Variants in MLLT3 observed in about 807,000 individuals in gnomAD.
The protein encoded by MLLT3 is protein AF-9.
Under a neutral mutation model 53.2 loss-of-function variants are expected in MLLT3, and 4 were observed. The observed-to-expected ratio is 0.08, with a 90% CI of 0.04 to 0.17. MLLT3 has a LOEUF of 0.17. Ranked by LOEUF, MLLT3 falls within the 10% of genes least tolerant of loss-of-function variation. The pLI, the probability that MLLT3 is intolerant of heterozygous loss-of-function variation, is 1.00. For missense variants in MLLT3, 569 were observed against 684.0 expected (o/e 0.83, Z 1.87); for synonymous variants, 283 against 230.6 (o/e 1.23, Z -2.06).
intron 2 of MLLT3, among the ~76,000 whole-genome samples, chr9:20,496,627 A>C (rs1825086039): frequency 6.6e-6 from 1 of 152,216 alleles, no homozygotes; most frequent in Admixed American, 6.5e-5. Flanking sequence ...GTGCTGTGTT[A>C]GCCTGGTTAA....
intron 10 of MLLT3, among the ~76,000 whole-genome samples, chr9:20,349,113 G>A (rs1820947639): frequency 6.6e-6 from 1 of 152,168 alleles, no homozygotes; most frequent in African/African-American, 2.4e-5. Context: ...GAGCTGCCCA[G>A]TAGGTAATTG....
Position 20,575,521 on chromosome 9 carries a change from T to C in MLLT3, c.193+45133A>G, listed in dbSNP as rs369631312. On this transcript the variant is annotated intron_variant, in intron 2 of 10. Coordinates refer to ENST00000380338, the MANE Select transcript of MLLT3 (RefSeq NM_004529.4). ...TAATGAATTTCTTAAATAACAAAAC[T>C]TGAATGTCAAAATTACTCCCTGACC... Among the ~76,000 whole-genome samples the C allele has an allele frequency of 2.2e-4, 34 of 152,280 alleles. No individual in the cohort carries two copies. The East Asian group carries it at 6.4e-3, about 28-fold the overall frequency.
chr9:20,374,859 C>T (rs1428859481), intron 5 of MLLT3, among the ~76,000 whole-genome samples: 1 of 152,158 alleles, frequency 6.6e-6, no homozygotes, highest in African/African-American at 2.4e-5. Context: ...GAAGCCTTAA[C>T]CCCCAGTGTC....
chr9:20,558,140 G>T (rs758919443), intron 2 of MLLT3, among the ~76,000 whole-genome samples: 1 of 152,138 alleles, frequency 6.6e-6, no homozygotes, highest in Non-Finnish European at 1.5e-5. Context: ...GAGAACATGG[G>T]CTGGCAGGTG....
intron 4 of MLLT3, among the ~76,000 whole-genome samples, chr9:20,422,297 C>A (rs1198678451): frequency 6.6e-6 from 1 of 152,162 alleles, no homozygotes; most frequent in Non-Finnish European, 1.5e-5. Flanking sequence ...AATAATCTCC[C>A]ATTTTTTAAG....
chr9:20,514,399 G>A (rs1462370122), intron 2 of MLLT3, among the ~76,000 whole-genome samples: 3 of 152,236 alleles, frequency 2.0e-5, no homozygotes, highest in East Asian at 1.9e-4. Context: ...CTGCCCACTC[G>A]AGCTGATGCA....
At chr9:20,371,027 G>T (rs1821584868) in intron 5 of MLLT3, among the ~76,000 whole-genome samples, 1 of 152,192 alleles carries the variant, frequency 6.6e-6, no homozygotes, top group Non-Finnish European at 1.5e-5. Context: ...GGAGAAAGTT[G>T]TAGTGGTCTG....
chr9:20,556,325 C>T (rs1819056636), intron 2 of MLLT3, among the ~76,000 whole-genome samples: 1 of 151,944 alleles, frequency 6.6e-6, no homozygotes, highest in South Asian at 2.1e-4. Context: ...ATTTTTATTA[C>T]ATAAGTATGA....
At chr9:20,569,687 C>G (rs1170757046) in intron 2 of MLLT3, among the ~76,000 whole-genome samples, 1 of 152,168 alleles carries the variant, frequency 6.6e-6, no homozygotes, top group Non-Finnish European at 1.5e-5. Flanking sequence ...ACACCCAGTT[C>G]TAAAGGTTTG....
intron 2 of MLLT3, among the ~76,000 whole-genome samples, chr9:20,575,744 A>T (rs1198668808): frequency 6.6e-6 from 1 of 152,182 alleles, no homozygotes; most frequent in Non-Finnish European, 1.5e-5. Flanking sequence ...TTGTAAGTAG[A>T]TGTGCTGTCA....
intron 2 of MLLT3, among the ~76,000 whole-genome samples, chr9:20,553,452 T>G (rs1027438277): frequency 2.6e-5 from 4 of 152,138 alleles, no homozygotes; most frequent in African/African-American, 9.7e-5. Context: ...AAAAAATCCC[T>G]CCACTCATGG....
chr9:20,621,809 C>T lies in MLLT3; in HGVS notation c.12+436G>A, dbSNP rs1228415175. On this transcript the variant is annotated intron_variant, in intron 1 of 10. Coordinates refer to ENST00000380338, the MANE Select transcript of MLLT3 (RefSeq NM_004529.4). The surrounding 1 kb of genome is among the most constrained non-coding windows in gnomAD (Gnocchi z 7.0). ...CCGCGGCGCTTTGCGGAGGTGCGGC[C>T]GCCGAGGCTGCTCGCCGCGTCCCCG... The T allele has an allele frequency of 1.3e-5, 18 of 1,437,950 alleles. No individual in the cohort carries two copies. Among genetic ancestry groups the T allele is most frequent in the Non-Finnish European group, 1.6e-5 (18 of 1,107,404 alleles). 89.1% of individuals were successfully genotyped at this position (1,437,950 alleles called of 1,614,324 possible).
intron 2 of MLLT3, among the ~76,000 whole-genome samples, chr9:20,458,116 T>C (rs1446804208): frequency 6.6e-6 from 1 of 152,246 alleles, no homozygotes; most frequent in African/African-American, 2.4e-5. Context: ...TAGTATCCTC[T>C]GCAAGTTCAA....
intron 7 of MLLT3, among the ~76,000 whole-genome samples, chr9:20,361,159 T>C (rs1329016478): frequency 6.6e-6 from 1 of 152,220 alleles, no homozygotes; most frequent in African/African-American, 2.4e-5. Context: ...GGCCCAAAGC[T>C]AGTGCTCAGC....
intron 10 of MLLT3, among the ~76,000 whole-genome samples, chr9:20,351,710 C>T (rs1046547281): frequency 1.3e-5 from 2 of 152,184 alleles, no homozygotes; most frequent in Non-Finnish European, 2.9e-5. Context: ...AGAAATTCTG[C>T]TTCAGGTGTT....
intron 5 of MLLT3, among the ~76,000 whole-genome samples, chr9:20,380,930 T>A (rs975138753): frequency 6.6e-6 from 1 of 151,970 alleles, no homozygotes; most frequent in Non-Finnish European, 1.5e-5. Context: ...ATCTTCCTGA[T>A]GAACTGAGCA....
At chr9:20,392,764 T>C (rs1822219938) in intron 5 of MLLT3, among the ~76,000 whole-genome samples, 1 of 152,198 alleles carries the variant, frequency 6.6e-6, no homozygotes, top group African/African-American at 2.4e-5. Context: ...TGTAACCCTC[T>C]GCAAGAGATC....
intron 4 of MLLT3, among the ~76,000 whole-genome samples, chr9:20,437,291 C>T (rs1193343385): frequency 6.6e-6 from 1 of 152,138 alleles, no homozygotes; most frequent in Admixed American, 6.6e-5. Context: ...GAGGCACATA[C>T]ATCTGATGTC....
chr9:20,467,605 A>C (rs1287974771), intron 2 of MLLT3, among the ~76,000 whole-genome samples: 1 of 152,194 alleles, frequency 6.6e-6, no homozygotes, highest in Non-Finnish European at 1.5e-5. Flanking sequence ...ATAAAAAATA[A>C]AAGTCGATGA....
Sources: allele counts gnomAD v4.1 joint callset (sites outside exome capture counted in the v4.1 genomes callset), GRCh38; gene constraint gnomAD v4.1.1; non-coding constraint Gnocchi (gnomAD v3.1); transcripts MANE v1.5; gene names NCBI Gene and HGNC (gene_info 2026-07-23, HGNC 2026-07-21).